RNF152: variants seen among roughly 807,000 people sequenced by gnomAD.
RNF152 encodes E3 ubiquitin-protein ligase RNF152.
A neutral mutation model predicts 12.7 loss-of-function variants in RNF152; 11 were observed. The ratio of observed to expected loss-of-function variants is 0.86; its 90% CI spans 0.54 to 1.43. The LOEUF is 1.43. Among genes scored for constraint, RNF152 ranks in the 40% most tolerant of loss-of-function variants. The probability of loss-of-function intolerance (pLI) is 0.00; values close to 1 mark genes in which losing one functional copy is unlikely to be tolerated. For synonymous variants in RNF152, 113 were observed against 120.3 expected, an observed-to-expected ratio of 0.94 and a Z score of 0.40; for missense variants, 255 against 274.8, an observed-to-expected ratio of 0.93 and a Z score of 0.51.
At chr18:61,881,262 A>G (rs149680918) in intron 1 of RNF152, among the ~76,000 whole-genome samples, 121 of 152,290 alleles carry the variant, frequency 7.9e-4, no homozygotes, top group African/African-American at 2.7e-3. Flanking sequence ...GGGAAAACAA[A>G]ATGTATTTAG....
At chr18:61,832,474 A>G (rs1423210260) in intron 1 of RNF152, among the ~76,000 whole-genome samples, 1 of 152,226 alleles carries the variant, frequency 6.6e-6, no homozygotes, top group Non-Finnish European at 1.5e-5. Flanking sequence ...TAAGACAAAA[A>G]TATTTCCCAA....
At chr18:61,870,339 G>C (rs1911935897) in intron 1 of RNF152, among the ~76,000 whole-genome samples, 1 of 152,106 alleles carries the variant, frequency 6.6e-6, no homozygotes, top group Non-Finnish European at 1.5e-5. Flanking sequence ...ACACACACAG[G>C]CATGGAAATC....
At chr18:61,877,154 C>T (rs192913049) in intron 1 of RNF152, among the ~76,000 whole-genome samples, 6 of 152,326 alleles carry the variant, frequency 3.9e-5, no homozygotes, top group Admixed American at 2.0e-4. Flanking sequence ...ACAAACAACT[C>T]GGCTGTTGTC....
chr18:61,877,646 G>T (rs150552851), intron 1 of RNF152, among the ~76,000 whole-genome samples: 11 of 152,150 alleles, frequency 7.2e-5, no homozygotes, highest in African/African-American at 2.7e-4. Context: ...TTATTAGGGT[G>T]GTAGGAATAA....
chr18:61,849,110 C>A (rs1030516065), intron 1 of RNF152, among the ~76,000 whole-genome samples: 4 of 152,198 alleles, frequency 2.6e-5, no homozygotes, highest in African/African-American at 7.2e-5. Flanking sequence ...CGTACTATGA[C>A]TCCCTGCCTC....
intron 1 of RNF152, among the ~76,000 whole-genome samples, chr18:61,870,623 T>G (rs959507387): frequency 1.3e-5 from 2 of 152,142 alleles, no homozygotes; most frequent in Non-Finnish European, 2.9e-5. Flanking sequence ...TCTTCTTTTT[T>G]TGGATGCAGG....
intron 1 of RNF152, among the ~76,000 whole-genome samples, chr18:61,856,777 G>A (rs1309698234): frequency 6.6e-6 from 1 of 152,158 alleles, no homozygotes; most frequent in Non-Finnish European, 1.5e-5. Flanking sequence ...TGGGGATTCA[G>A]TTCCCCGAAC....
At chr18:61,839,850 G>A (rs956415077) in intron 1 of RNF152, among the ~76,000 whole-genome samples, 9 of 152,302 alleles carry the variant, frequency 5.9e-5, no homozygotes, top group South Asian at 2.1e-4. Flanking sequence ...GGCCGAGATC[G>A]TGCCTGTGTG....
chr18:61,835,705 CT>C (rs1910151075), intron 1 of RNF152, among the ~76,000 whole-genome samples: 1 of 152,132 alleles, frequency 6.6e-6, no homozygotes, highest in Non-Finnish European at 1.5e-5. Context: ...ATTCAAATCC[CT>C]TTTGAATACA....
chr18:61,880,913 CT>C (rs71179000), intron 1 of RNF152, among the ~76,000 whole-genome samples: 20,333 of 131,284 alleles, frequency 0.15, 1,540 homozygotes, highest in East Asian at 0.36. Context: ...CTCTAGTTTT[CT>C]TTTTTTTTTT....
intron 1 of RNF152, among the ~76,000 whole-genome samples, chr18:61,828,266 G>A (rs150883084): frequency 5.3e-5 from 8 of 152,096 alleles, no homozygotes; most frequent in East Asian, 3.9e-4. Context: ...TTTAAGAGAC[G>A]GGGTCTTGCT....
At chr18:61,852,454 G>T (rs1911027505) in intron 1 of RNF152, among the ~76,000 whole-genome samples, 1 of 152,182 alleles carries the variant, frequency 6.6e-6, no homozygotes, top group South Asian at 2.1e-4. Flanking sequence ...CACAATTACA[G>T]CATCGCTCAT....
At chr18:61,838,380 C>T (rs1275928106) in intron 1 of RNF152, among the ~76,000 whole-genome samples, 1 of 152,158 alleles carries the variant, frequency 6.6e-6, no homozygotes, top group Non-Finnish European at 1.5e-5. Context: ...ACAAAAGACT[C>T]CAGAGATCAG....
chr18:61,844,361 CT>C (rs1331995148), intron 1 of RNF152, among the ~76,000 whole-genome samples: 1 of 152,168 alleles, frequency 6.6e-6, no homozygotes, highest in Non-Finnish European at 1.5e-5. Context: ...GAGCAAATAT[CT>C]TTTATAAAAT....
chr18:61,819,045 G>A (rs1406139800), intron 1 of RNF152, among the ~76,000 whole-genome samples: 1 of 152,246 alleles, frequency 6.6e-6, no homozygotes, highest in African/African-American at 2.4e-5. Flanking sequence ...GAATCAGCAT[G>A]AGCAAAGGAA....
At chr18:61,889,820 G>A (rs571599716) in intron 1 of RNF152, among the ~76,000 whole-genome samples, 6 of 152,240 alleles carry the variant, frequency 3.9e-5, no homozygotes, top group African/African-American at 1.2e-4. Flanking sequence ...TACCCTGGGC[G>A]GTTCCAAACA....
At chr18:61,831,550 G>A (rs1243528063) in intron 1 of RNF152, among the ~76,000 whole-genome samples, 1 of 152,148 alleles carries the variant, frequency 6.6e-6, no homozygotes, top group Non-Finnish European at 1.5e-5. Flanking sequence ...GAACTGAAAT[G>A]TGAGGTTATG....
At chr18:61,846,244 TTTTC>T (rs1421805519) in intron 1 of RNF152, among the ~76,000 whole-genome samples, 1 of 152,168 alleles carries the variant, frequency 6.6e-6, no homozygotes, top group African/African-American at 2.4e-5. Flanking sequence ...TTCCTCAATC[TTTTC>T]TTTCTTTTTT....
At chr18:61,861,029 AAG>A (rs1457127186) in intron 1 of RNF152, among the ~76,000 whole-genome samples, 1 of 152,270 alleles carries the variant, frequency 6.6e-6, no homozygotes, top group African/African-American at 2.4e-5. Context: ...GTTATTAAAA[AAG>A]AGTCAAAAAG....
Sources: gnomAD v4.1 joint callset for allele counts (sites outside exome capture counted in the v4.1 genomes callset) on GRCh38, gnomAD v4.1.1 for gene constraint, MANE v1.5 for transcripts, NCBI Gene and HGNC (gene_info 2026-07-23, HGNC 2026-07-21) for gene names.